USP4: variants seen among roughly 807,000 people sequenced by gnomAD.
The protein encoded by USP4 is ubiquitin specific peptidase 4.
USP4 carries 72 observed loss-of-function variants against 118.2 expected under a neutral mutation model. That is an observed-to-expected ratio of 0.61 (90% CI 0.50 to 0.74). USP4 has a LOEUF of 0.74. USP4 is among the 30% of genes least tolerant of loss of function. The pLI, the probability that USP4 is intolerant of heterozygous loss-of-function variation, is 0.00. For synonymous variants in USP4, 415 were observed against 440.4 expected (o/e 0.94, Z 0.72); for missense variants, 1,037 against 1,185.7 (o/e 0.87, Z 1.84).
intron 6 of USP4, among the ~76,000 whole-genome samples, chr3:49,320,643 G>A (rs2047489525): frequency 6.6e-6 from 1 of 152,158 alleles, no homozygotes; most frequent in Non-Finnish European, 1.5e-5. Flanking sequence ...TGATCTGAGA[G>A]TTTGTCTTTA....
At chr3:49,309,943 C>CTTTTTTGTTT (rs2047366008) in intron 8 of USP4, among the ~76,000 whole-genome samples, 1 of 40,236 alleles carries the variant, frequency 2.5e-5, no homozygotes, top group African/African-American at 1.1e-4. Flanking sequence ...TTTTTTTAAT[C>CTTTTTTGTTT]TTTTTTTTTT....
chr3:49,310,678 G>A lies in USP4; in HGVS notation c.896C>T (p.Pro299Leu). The change falls in exon 8 of 22, where the codon CCT (proline) becomes CTT (leucine). Residue 299 changes from proline (P) to leucine (L), a missense_variant. Pro to Leu is a moderately conservative substitution (Grantham distance 98, BLOSUM62 -3). Around this residue, in one of 3 missense-constraint regions of USP4, gnomAD observed 487 missense variants for 534.1 expected, o/e 0.91. Transcript: ENST00000265560. ...CQEPPSSHIQ[P>L]GLCGLGNLGN... Reference sequence around the variant, plus strand: ...CAGGTTTCCAAGTCCACAGAGCCCAGGTTGTATATGAGAGGATGGTGGCTC... The same window carrying A: ...CAGGTTTCCAAGTCCACAGAGCCCAAGTTGTATATGAGAGGATGGTGGCTC... 3.7e-6 allele frequency: 6 copies of A among 1,614,194 alleles called. No individual in the cohort carries two copies. The highest frequency in any genetic ancestry group is 5.1e-6 in the Non-Finnish European group (6 of 1,180,036).
intron 6 of USP4, among the ~76,000 whole-genome samples, chr3:49,316,009 G>A (rs187586413): frequency 2.0e-4 from 31 of 152,218 alleles, no homozygotes; most frequent in Admixed American, 1.8e-3. Context: ...TCCGAGACCA[G>A]TCTGACCAAC....
chr3:49,322,242 T>C (rs1432991530), intron 6 of USP4, among the ~76,000 whole-genome samples: 1 of 152,184 alleles, frequency 6.6e-6, no homozygotes, highest in African/African-American at 2.4e-5. Context: ...GTGTCTACCT[T>C]CTCTCATTCA....
chr3:49,280,627 C>A, intron 20 of USP4, 117 bp downstream of exon 20: 1 of 699,172 alleles, frequency 1.4e-6, no homozygotes, highest in East Asian at 2.8e-5. Context: ...AAGCGTGCAG[C>A]ATGAAGCCTG....
chr3:49,312,513 G>T, intron 6 of USP4: 1 of 452,748 alleles, frequency 2.2e-6, no homozygotes, highest in Non-Finnish European at 4.4e-6. Context: ...GGCGCTACTC[G>T]GGAAGCTGAG....
Position 49,278,445 on chromosome 3 carries a change from C to T in USP4, c.2740G>A (p.Ala914Thr). 6.2e-7 allele frequency: 1 copy of T among 1,613,618 alleles called. No individual in the cohort carries two copies. Among genetic ancestry groups the T allele is most frequent in the Non-Finnish European group, 8.5e-7 (1 of 1,179,836 alleles). Residue 914 changes from alanine (A) to threonine (T), a missense_variant, in exon 22 of 22, where the codon GCA becomes ACA. Physicochemically the swap from Ala to Thr is moderately conservative, Grantham distance 58 (BLOSUM62 0). This residue lies in a region of USP4 where 522 missense variants were observed against 592.6 expected (regional missense o/e 0.88). Coordinates refer to ENST00000265560, the MANE Select transcript of USP4 (RefSeq NM_003363.4). ...CGTTGGTAAAATAGCACATAAGCTGCTTTAGTCTGAAATACAAGAGGGGGA... is the reference window on the plus strand; with the variant it reads ...CGTTGGTAAAATAGCACATAAGCTGTTTTAGTCTGAAATACAAGAGGGGGA... Reference protein sequence around the residue: ...LASEDQIVTKAAYVLFYQRRD... With the variant: ...LASEDQIVTKTAYVLFYQRRD...
At chr3:49,305,165 C>T (rs1367896665) in intron 9 of USP4, among the ~76,000 whole-genome samples, 21 of 150,624 alleles carry the variant, frequency 1.4e-4, no homozygotes, top group East Asian at 8.1e-4. Flanking sequence ...CTCTGCCTCC[C>T]GGGTTCACGC....
chr3:49,288,118 T>G (rs551945470), intron 15 of USP4, among the ~76,000 whole-genome samples: 3 of 152,322 alleles, frequency 2.0e-5, no homozygotes, highest in African/African-American at 7.2e-5. Context: ...GGAGGTTCCT[T>G]TCCGAACTTG....
chr3:49,303,438 C>CAA (rs1173726988), intron 9 of USP4, among the ~76,000 whole-genome samples: 13 of 23,328 alleles, frequency 5.6e-4, no homozygotes, highest in Admixed American at 9.1e-4. Context: ...AAGGCTGTCT[C>CAA]AAAAAAAAAA....
chr3:49,333,338 AC>A (rs971394615), intron 2 of USP4, among the ~76,000 whole-genome samples: 1 of 151,014 alleles, frequency 6.6e-6, no homozygotes, highest in Non-Finnish European at 1.5e-5. Flanking sequence ...GCTGGCAAGC[AC>A]CTGTAGTCCT....
rs758982273 is a variant in USP4, at chr3:49,284,139, A to G, written c.2391-3T>C. On this transcript the variant is annotated splice_polypyrimidine_tract_variant and splice_region_variant and intron_variant, in intron 18 of 21. Coordinates refer to ENST00000265560, the MANE Select transcript of USP4 (RefSeq NM_003363.4). ...GCTTCTTACAGTTGGGACAGTACCTAAAAAGAGAAACCTCCACTTAGCAGG... is the reference window on the plus strand; with the variant it reads ...GCTTCTTACAGTTGGGACAGTACCTGAAAAGAGAAACCTCCACTTAGCAGG... The G allele has an allele frequency of 5.0e-6, 8 of 1,614,166 alleles. No individual in the cohort carries two copies. The South Asian group carries it at 8.8e-5, about 18-fold the overall frequency.
In USP4 at chr3:49,277,330, A is replaced by T. The variant is rs1436375273; in HGVS notation, c.*963T>A. ...GTTCCTTAAGGCCTTGCCCACACGC[A>T]GCGGCTGGCCCCGCGGTGGGAGTGG... On this transcript the variant is annotated 3_prime_UTR_variant, in exon 22 of 22. Coordinates refer to ENST00000265560, the MANE Select transcript of USP4 (RefSeq NM_003363.4). 3 of 1,021,872 alleles carry T rather than the reference A, an allele frequency of 2.9e-6. No individual in the cohort carries two copies. The Admixed American group carries it at 8.3e-5, about 28-fold the overall frequency. The allele number at this position is 1,021,872 out of a possible 1,614,324, so 63.3% of individuals were successfully genotyped here. A position where few individuals can be genotyped will look rare whatever the true frequency, so the allele number is the denominator to read the frequency against.
intron 3 of USP4, 93 bp downstream of exon 3, chr3:49,327,593 G>C: frequency 7.2e-7 from 1 of 1,396,912 alleles, no homozygotes; most frequent in Non-Finnish European, 1.0e-6. Flanking sequence ...CAACCACTGA[G>C]GTATGTTCAT....
chr3:49,328,835 G>A (rs568309685), intron 2 of USP4, among the ~76,000 whole-genome samples: 213 of 151,896 alleles, frequency 1.4e-3, no homozygotes, highest in African/African-American at 4.9e-3. Context: ...CTCCAGCCTG[G>A]GTGACAGAGC....
intron 6 of USP4, among the ~76,000 whole-genome samples, chr3:49,322,003 C>T (rs895902824): frequency 1.3e-5 from 2 of 151,738 alleles, no homozygotes; most frequent in Non-Finnish European, 2.9e-5. Context: ...ATTAAAAAAA[C>T]AAAAAAACAA....
chr3:49,313,223 A>T (rs1278198785), intron 6 of USP4, among the ~76,000 whole-genome samples: 2 of 152,138 alleles, frequency 1.3e-5, no homozygotes, highest in African/African-American at 2.4e-5. Flanking sequence ...TATTAGTGAA[A>T]GGCAAAGAAA....
intron 15 of USP4, among the ~76,000 whole-genome samples, chr3:49,286,846 C>CTATCTATG (rs1230094462): frequency 2.0e-5 from 3 of 151,672 alleles, no homozygotes; most frequent in African/African-American, 7.3e-5. Flanking sequence ...ATCTATCTAT[C>CTATCTATG]TATCTATCTA....
intron 2 of USP4, among the ~76,000 whole-genome samples, chr3:49,329,163 C>A (rs973203297): frequency 6.6e-6 from 1 of 151,816 alleles, no homozygotes; most frequent in Non-Finnish European, 1.5e-5. Flanking sequence ...GGTGACACAG[C>A]GAAACTCCAT....
Sources: gnomAD v4.1 joint callset for allele counts (sites outside exome capture counted in the v4.1 genomes callset) on GRCh38, gnomAD v4.1.1 for gene constraint, gnomAD v4.1.1 regional missense constraint, MANE v1.5 for transcripts, NCBI Gene and HGNC (gene_info 2026-07-23, HGNC 2026-07-21) for gene names.